SCAP: variants seen among roughly 807,000 people sequenced by gnomAD.
SCAP encodes SREBF chaperone, also known as sterol regulatory element-binding protein cleavage-activating protein.
In SCAP, 65 loss-of-function variants were observed where a neutral mutation model predicts 123.6. The ratio of observed to expected loss-of-function variants is 0.53; its 90% confidence interval spans 0.43 to 0.65. SCAP has a LOEUF of 0.65. Ranked by LOEUF, SCAP falls within the 30% of genes least tolerant of loss-of-function variation. The pLI is 0.00. For missense variants in SCAP, 1,398 were observed against 1,712.5 expected, an observed-to-expected ratio of 0.82 and a Z score of 3.24; for synonymous variants, 740 against 726.3, an observed-to-expected ratio of 1.02 and a Z score of -0.30.
intron 10 of SCAP, 79 bp downstream of exon 10, chr3:47,422,363 A>C (rs1576259505): frequency 7.7e-7 from 1 of 1,292,662 alleles, no homozygotes; most frequent in South Asian, 1.3e-5. Flanking sequence ...AGAGGGGAGC[A>C]CCCTGCCCAT....
chr3:47,462,378 A>C (rs1437034968), intron 1 of SCAP, among the ~76,000 whole-genome samples: 1 of 152,162 alleles, frequency 6.6e-6, no homozygotes, highest in Non-Finnish European at 1.5e-5. Context: ...CTATCTGTGT[A>C]GTAAAGGCAC....
intron 8 of SCAP, 154 bp downstream of exon 8, chr3:47,425,328 CAAA>C (rs1206948135): frequency 1.6e-4 from 125 of 784,308 alleles, no homozygotes; most frequent in Non-Finnish European, 2.3e-4. Context: ...ACAAGCCAGA[CAAA>C]GAAGAGGAAG....
chr3:47,418,688 C>A lies in SCAP; in HGVS notation c.2096G>T (p.Gly699Val), dbSNP rs751838887. Residue 699 changes from glycine (G) to valine (V), a missense_variant, in exon 14 of 23, where the codon GGG (glycine) becomes GTG (valine). Gly to Val is a moderately radical substitution (Grantham distance 109). Transcript: ENST00000265565. ...HWEAGPKGPG[G>V]VQAHGDVTLY... ...CGTGACGTCTCCATGGGCCTGCACC[C>A]CACCTGGGCCCTTGGGTCCTGCTTC... is the stretch of plus-strand genomic sequence containing the variant. 1 of 1,610,818 alleles carries A rather than the reference C, an allele frequency of 6.2e-7. No individual in the cohort carries two copies. The highest frequency in any genetic ancestry group is 2.2e-5 in the East Asian group (1 of 44,764).
In SCAP at chr3:47,420,902, G is replaced by A. The variant is rs1280227601; in HGVS notation, c.1344+29C>T. 1.2e-5 allele frequency: 20 copies of A among 1,601,288 alleles called. No individual in the cohort carries two copies. Among genetic ancestry groups the A allele is most frequent in the South Asian group, 3.3e-5 (3 of 90,806 alleles). ...TCAGTACAGCCAGGGCTGAGGAGGC[G>A]GGCAGGGCAGGGCTCAGCCCACTCC... On this transcript the variant is annotated intron_variant, in intron 11 of 22. Coordinates refer to ENST00000265565, the MANE Select transcript of SCAP (RefSeq NM_012235.4). The surrounding 1 kb of genome is among the most constrained non-coding windows in gnomAD (Gnocchi z 5.0).
At chr3:47,429,399 C>T (rs542985550) in intron 3 of SCAP, among the ~76,000 whole-genome samples, 36 of 152,230 alleles carry the variant, frequency 2.4e-4, no homozygotes, top group Non-Finnish European at 3.4e-4. Context: ...TGCTCTATTG[C>T]CCAATCATGG....
intron 1 of SCAP, among the ~76,000 whole-genome samples, chr3:47,448,441 T>C (rs1057219125): frequency 6.6e-6 from 1 of 152,192 alleles, no homozygotes; most frequent in Non-Finnish European, 1.5e-5. Context: ...TTCCTTTCCA[T>C]AATTTCTTCA....
chr3:47,419,415 C>T lies in SCAP; in HGVS notation c.1853G>A (p.Gly618Glu). The T allele has an allele frequency of 1.2e-6, 2 of 1,612,480 alleles. No homozygotes were observed. Among genetic ancestry groups the T allele is most frequent in the Non-Finnish European group, 1.7e-6 (2 of 1,179,568 alleles). ...HDSPVPEVTW[G>E]PEDEELWRKL... The stretch of plus-strand genomic sequence containing the variant: ...CCTCCAAAGTTCCTCATCCTCAGGC[C>T]CCCAGGTTACCTCTGGGACTGGGCT... Residue 618 changes from glycine to glutamate, a missense_variant, in exon 13 of 23, where the codon GGG becomes GAG. Gly to Glu is a moderately conservative substitution (Grantham distance 98, BLOSUM62 -2). Transcript: ENST00000265565. The surrounding 1 kb of genome is among the most constrained non-coding windows in gnomAD (Gnocchi z 5.0).
upstream of SCAP, chr3:47,476,045 C>A: frequency 6.6e-6 from 1 of 152,234 alleles, no homozygotes. Flanking sequence ...TTCGCGTCTC[C>A]CGTTCGCCCT....
chr3:47,465,763 C>T (rs1297625434), intron 1 of SCAP, among the ~76,000 whole-genome samples: 8 of 148,968 alleles, frequency 5.4e-5, no homozygotes, highest in African/African-American at 7.4e-5. Flanking sequence ...AGCAAGACTC[C>T]GTCTCAAAAA....
intron 1 of SCAP, among the ~76,000 whole-genome samples, chr3:47,448,096 T>A (rs1346666266): frequency 2.6e-5 from 4 of 151,418 alleles, no homozygotes; most frequent in Non-Finnish European, 4.4e-5. Flanking sequence ...AGAACTGGCA[T>A]GTTGAGTCTT....
chr3:47,422,490 C>A lies in SCAP; in HGVS notation c.1197G>T (p.Glu399Asp), dbSNP rs1705946374. 2 of 1,613,828 alleles carry A rather than the reference C, an allele frequency of 1.2e-6. No individual in the cohort carries two copies. Among genetic ancestry groups the A allele is most frequent in the Non-Finnish European group, 1.7e-6 (2 of 1,179,848 alleles). ...SWSIMKNMATELGIILIGYFT... is the reference protein window; with the variant it reads ...SWSIMKNMATDLGIILIGYFT... ...AGTAGCCGATGAGGATGATGCCCAG[C>A]TCCGTGGCCATGTTCTTCATGATGG... The change falls in exon 10 of 23, where the codon GAG becomes GAT. Residue 399 changes from glutamate (E) to aspartate (D), a missense_variant. Physicochemically the swap from Glu to Asp is conservative, Grantham distance 45. Coordinates refer to ENST00000265565, the MANE Select transcript of SCAP (RefSeq NM_012235.4).
Position 47,427,230 on chromosome 3 carries a change from C to A in SCAP, c.664G>T (p.Gly222Trp), listed in dbSNP as rs534828508. The change falls in exon 6 of 23, where the codon GGG (glycine) becomes TGG (tryptophan). Residue 222 changes from glycine to tryptophan, a missense_variant. This residue lies in a region of SCAP where 319 missense variants were observed against 432.4 expected (regional missense o/e 0.74). Transcript: ENST00000265565. Reference protein sequence around the residue: ...LLFGVPGKYSGVSLYTRKRMV... With the variant: ...LLFGVPGKYSWVSLYTRKRMV... Reference sequence around the variant, plus strand: ...CTCTTCCTGGTGTAGAGGCTCACCCCGCTGTACTTCCCAGGAACACCAAAT... The same window carrying A: ...CTCTTCCTGGTGTAGAGGCTCACCCAGCTGTACTTCCCAGGAACACCAAAT... 7 of 1,613,650 alleles carry A rather than the reference C, an allele frequency of 4.3e-6. 1 individual carries two copies. In the East Asian group the frequency reaches 1.3e-4, roughly 31 times the overall value.
chr3:47,420,706 G>A lies in SCAP; in HGVS notation c.1411C>T (p.Pro471Ser), dbSNP rs138330271. ...CLPSAKPVGQPTRYERQLAVR... is the reference protein window; with the variant it reads ...CLPSAKPVGQSTRYERQLAVR... Reference sequence around the variant, plus strand: ...GCCAGCTGCCGCTCGTAGCGCGTTGGCTGTCCCACTGGCTTGGCTGAGGGC... The same window carrying A: ...GCCAGCTGCCGCTCGTAGCGCGTTGACTGTCCCACTGGCTTGGCTGAGGGC... Residue 471 changes from proline to serine, a missense_variant, in exon 12 of 23, where the codon CCA becomes TCA. Physicochemically the swap from Pro to Ser is moderately conservative, Grantham distance 74. This residue lies in a region of SCAP where 828 missense variants were observed against 882.5 expected (regional missense o/e 0.94). Coordinates refer to ENST00000265565, the MANE Select transcript of SCAP (RefSeq NM_012235.4). This position sits in a 1 kb window ranked among gnomAD's most constrained non-coding sequence, Gnocchi z 5.0. 131 of 1,611,534 alleles carry A rather than the reference G, an allele frequency of 8.1e-5. No homozygotes were observed. The highest frequency in any genetic ancestry group is 1.7e-4 in the Admixed American group (10 of 59,994).
intron 18 of SCAP, among the ~76,000 whole-genome samples, chr3:47,416,053 G>A (rs563471822): frequency 1.3e-5 from 2 of 152,358 alleles, no homozygotes; most frequent in East Asian, 1.9e-4. Context: ...CAGGAATGAC[G>A]GCAGCAGCCC....
chr3:47,429,769 G>A (rs1706286720), intron 3 of SCAP, among the ~76,000 whole-genome samples: 1 of 152,152 alleles, frequency 6.6e-6, no homozygotes, highest in Non-Finnish European at 1.5e-5. Flanking sequence ...CTCTACAACA[G>A]CAGGGTCAAA....
intron 1 of SCAP, 145 bp from the exon 2 acceptor site, chr3:47,443,236 AC>A (rs1446770162): frequency 1.6e-4 from 2 of 12,566 alleles, no homozygotes; most frequent in Admixed American, 1.8e-3. Flanking sequence ...CCCAAAATAC[AC>A]ACACACACAC....
intron 1 of SCAP, among the ~76,000 whole-genome samples, chr3:47,452,444 T>G (rs1210391585): frequency 1.3e-5 from 2 of 152,192 alleles, no homozygotes; most frequent in East Asian, 3.8e-4. Context: ...GCTCAGTACA[T>G]ATCTTCTCAA....
At chr3:47,475,417 G>A (rs1283802450) in intron 1 of SCAP, 2 of 152,280 alleles carry the variant, frequency 1.3e-5, no homozygotes, top group Non-Finnish European at 2.9e-5. Flanking sequence ...AGGCAAAGTG[G>A]AGAACCTGCT....
chr3:47,463,021 A>C (rs369534719), intron 1 of SCAP, among the ~76,000 whole-genome samples: 147 of 152,106 alleles, frequency 9.7e-4, no homozygotes, highest in Non-Finnish European at 1.7e-3. Flanking sequence ...TAAGCTCCTT[A>C]TTTACACTAT....
Sources: gnomAD v4.1 joint callset for allele counts (sites outside exome capture counted in the v4.1 genomes callset) on GRCh38, gnomAD v4.1.1 for gene constraint, gnomAD v4.1.1 regional missense constraint, Gnocchi (gnomAD v3.1) non-coding constraint, MANE v1.5 for transcripts, NCBI Gene and HGNC (gene_info 2026-07-23, HGNC 2026-07-21) for gene names.